TRDN: variants seen among roughly 807,000 people sequenced by gnomAD.
The protein encoded by TRDN is triadin.
TRDN carries 161 observed loss-of-function variants against 149.7 expected under a neutral mutation model. The ratio of observed to expected loss-of-function variants is 1.08; its 90% CI spans 0.95 to 1.23. TRDN has a LOEUF of 1.23. Ranked by LOEUF, TRDN falls within the 50% of genes most tolerant of loss-of-function variation. The pLI is 0.00. For missense variants in TRDN, 896 were observed against 823.5 expected, an observed-to-expected ratio of 1.09 and a Z score of -1.08; for synonymous variants, 294 against 250.5, an observed-to-expected ratio of 1.17 and a Z score of -1.64.
At chr6:123,605,647 C>G (rs1220270864) in intron 1 of TRDN, among the ~76,000 whole-genome samples, 1 of 151,336 alleles carries the variant, frequency 6.6e-6, no homozygotes, top group Non-Finnish European at 1.5e-5. Context: ...GACTTATAAC[C>G]CAGCTACTCA....
intron 1 of TRDN, among the ~76,000 whole-genome samples, chr6:123,576,357 C>T (rs1454118325): frequency 6.6e-6 from 1 of 152,054 alleles, no homozygotes; most frequent in Non-Finnish European, 1.5e-5. Context: ...TAAATTGCCA[C>T]CTTTTCTCCC....
intron 24 of TRDN, among the ~76,000 whole-genome samples, chr6:123,288,279 G>T (rs758138945): frequency 2.6e-5 from 4 of 152,010 alleles, no homozygotes; most frequent in Non-Finnish European, 5.9e-5. Context: ...ACCTGAAATT[G>T]TAAAGCTACT....
At chr6:123,553,273 A>G (rs1781486995) in intron 2 of TRDN, among the ~76,000 whole-genome samples, 1 of 152,116 alleles carries the variant, frequency 6.6e-6, no homozygotes, top group Admixed American at 6.6e-5. Flanking sequence ...TGATGCACTT[A>G]GCACCTAAAC....
chr6:123,541,559 C>G (rs1368986957), intron 4 of TRDN, among the ~76,000 whole-genome samples: 2 of 152,160 alleles, frequency 1.3e-5, no homozygotes, highest in African/African-American at 4.8e-5. Flanking sequence ...CATCACAGGT[C>G]TGCTCCATGC....
chr6:123,432,435 A>AT (rs1331305781), intron 12 of TRDN, among the ~76,000 whole-genome samples: 1 of 107,080 alleles, frequency 9.3e-6, no homozygotes, highest in Non-Finnish European at 1.9e-5. Context: ...ATTATCTCCA[A>AT]AAAAAAAAAA....
intron 1 of TRDN, among the ~76,000 whole-genome samples, chr6:123,596,716 A>G (rs1784055013): frequency 6.6e-6 from 1 of 152,096 alleles, no homozygotes; most frequent in African/African-American, 2.4e-5. Flanking sequence ...TCTATGCTCT[A>G]TCAGTGGAAC....
chr6:123,306,782 A>T (rs986944790), intron 24 of TRDN, among the ~76,000 whole-genome samples: 2 of 152,098 alleles, frequency 1.3e-5, no homozygotes, highest in Admixed American at 1.3e-4. Context: ...GTATGTCATG[A>T]ATTGCTATTC....
intron 24 of TRDN, among the ~76,000 whole-genome samples, chr6:123,297,889 T>C (rs1489843597): frequency 1.3e-5 from 2 of 152,050 alleles, no homozygotes; most frequent in South Asian, 2.1e-4. Context: ...ATTCATGATA[T>C]ACTATTTCAT....
chr6:123,224,209 T>C lies in TRDN; in HGVS notation c.1976-78A>G, dbSNP rs1185587615. On this transcript the variant is annotated intron_variant, in intron 38 of 40. Coordinates refer to ENST00000334268, the MANE Select transcript of TRDN (RefSeq NM_006073.4). The stretch of plus-strand genomic sequence containing the variant: ...CAGAGGAAGTATTGTATTTAAAGGT[T>C]TTTAAGAGTCACAAGATCCCTGAAT... 13 of 1,399,380 alleles carry C rather than the reference T, an allele frequency of 9.3e-6. No individual in the cohort carries two copies. The East Asian group carries it at 2.5e-4, about 27-fold the overall frequency. 86.7% of individuals were successfully genotyped at this position (1,399,380 alleles called of 1,614,324 possible).
At chr6:123,585,374 C>T (rs1010392725) in intron 1 of TRDN, among the ~76,000 whole-genome samples, 1 of 151,926 alleles carries the variant, frequency 6.6e-6, no homozygotes, top group African/African-American at 2.4e-5. Flanking sequence ...GCCTGGCCAT[C>T]AATACCCACA....
chr6:123,237,393 G>A (rs1204945772), intron 38 of TRDN, among the ~76,000 whole-genome samples: 1 of 152,084 alleles, frequency 6.6e-6, no homozygotes, highest in Non-Finnish European at 1.5e-5. Flanking sequence ...GGGACTACAG[G>A]TAAGTGCCAC....
In TRDN at chr6:123,268,378, C is replaced by A. The variant is rs140334102; in HGVS notation, c.1739-627G>T. 1.8e-4 allele frequency among the ~76,000 whole-genome samples: 27 copies of A among 152,024 alleles called. No homozygotes were observed. In the East Asian group the frequency reaches 4.1e-3, roughly 23 times the overall value. On this transcript the variant is annotated intron_variant, in intron 31 of 40. Coordinates refer to ENST00000334268, the MANE Select transcript of TRDN (RefSeq NM_006073.4). ...TAAAAATGTATGAGTAATTGACATC[C>A]CTCTTAGTTCTCTGAAAAATATTTG...
chr6:123,279,027 T>C (rs1777480903), intron 25 of TRDN, 29 bp downstream of exon 25: 1 of 1,598,192 alleles, frequency 6.3e-7, no homozygotes, highest in Non-Finnish European at 8.5e-7. Flanking sequence ...TATGTACGTG[T>C]TTGTTTATTG....
At chr6:123,410,950 A>G (rs1488917093) in intron 12 of TRDN, among the ~76,000 whole-genome samples, 1 of 151,950 alleles carries the variant, frequency 6.6e-6, no homozygotes, top group Admixed American at 6.6e-5. Context: ...CCCAATACTA[A>G]TATAATGAAC....
intron 10 of TRDN, chr6:123,445,032 C>T (rs1330359078): frequency 6.6e-6 from 1 of 152,014 alleles, no homozygotes; most frequent in African/African-American, 2.4e-5. Context: ...ATGCTGGCCT[C>T]ATAAAATGAG....
chr6:123,454,129 G>A (rs1775960610), intron 10 of TRDN, among the ~76,000 whole-genome samples: 2 of 151,908 alleles, frequency 1.3e-5, no homozygotes, highest in African/African-American at 2.4e-5. Flanking sequence ...CGGACTTGGG[G>A]GAAGAGTGGG....
intron 32 of TRDN, among the ~76,000 whole-genome samples, chr6:123,267,411 A>C (rs1445581807): frequency 3.9e-5 from 6 of 152,124 alleles, no homozygotes; most frequent in Non-Finnish European, 8.8e-5. Flanking sequence ...CTGTATGATA[A>C]ATTATATTAA....
chr6:123,246,132 G>A (rs1174349101), intron 38 of TRDN, among the ~76,000 whole-genome samples: 1 of 152,082 alleles, frequency 6.6e-6, no homozygotes, highest in Non-Finnish European at 1.5e-5. Context: ...ACATGAGAAA[G>A]CGGGAAAAAT....
chr6:123,478,389 T>G (rs902509257), intron 9 of TRDN, among the ~76,000 whole-genome samples: 1 of 152,174 alleles, frequency 6.6e-6, no homozygotes, highest in African/African-American at 2.4e-5. Flanking sequence ...CAGTTCTAGA[T>G]AGAGTACCAA....
Sources: allele counts gnomAD v4.1 joint callset (sites outside exome capture counted in the v4.1 genomes callset), GRCh38; gene constraint gnomAD v4.1.1; transcripts MANE v1.5; gene names NCBI Gene and HGNC (gene_info 2026-07-23, HGNC 2026-07-21).